The following RELA variants were observed in gnomAD, a reference collection of about 807,000 sequenced individuals.
RELA encodes the protein transcription factor p65.
Under a neutral mutation model 56.7 loss-of-function variants are expected in RELA, and 14 were observed. The ratio of observed to expected loss-of-function variants is 0.25; its 90% confidence interval spans 0.16 to 0.39. The LOEUF is 0.39. Among genes scored for constraint, RELA ranks in the 10% least tolerant of loss-of-function variants. The probability of loss-of-function intolerance (pLI) is 1.00; values close to 1 mark genes in which losing one functional copy is unlikely to be tolerated. For missense variants in RELA, 559 were observed against 736.4 expected, an observed-to-expected ratio of 0.76 and a Z score of 2.79; for synonymous variants, 315 against 289.7, an observed-to-expected ratio of 1.09 and a Z score of -0.89.
chr11:65,658,902 G>T lies in RELA; in HGVS notation c.560-80C>A. Reference sequence around the variant, plus strand: ...GGCCTGCAGGAGATGCAACTTCCCTGCCCAGCCCAGAGTCAAGGTTGCCCA... The same window carrying T: ...GGCCTGCAGGAGATGCAACTTCCCTTCCCAGCCCAGAGTCAAGGTTGCCCA... On this transcript the variant is annotated intron_variant, in intron 6 of 10. Coordinates refer to ENST00000406246, the MANE Select transcript of RELA (RefSeq NM_021975.4). The surrounding 1 kb of genome is among the most constrained non-coding windows in gnomAD (Gnocchi z 4.5). 1 of 1,163,226 alleles carries T rather than the reference G, an allele frequency of 8.6e-7. No homozygotes were observed. Among genetic ancestry groups the T allele is most frequent in the Non-Finnish European group, 1.3e-6 (1 of 773,652 alleles). The allele number at this position is 1,163,226 out of a possible 1,614,324, so 72.1% of individuals were successfully genotyped here. A position where few individuals can be genotyped will look rare whatever the true frequency, so the allele number is the denominator to read the frequency against.
upstream of RELA, chr11:65,662,987 C>G (rs1412768738): frequency 2.1e-6 from 1 of 469,116 alleles, no homozygotes; most frequent in South Asian, 1.0e-4. Context: ...CGCCGCCGCC[C>G]GGCGCAGGGG....
Position 65,659,947 on chromosome 11 carries a change from TG to T in RELA, c.428-151del, listed in dbSNP as rs1235864119. 12 of 1,196,376 alleles carry T rather than the reference TG, an allele frequency of 1.0e-5. No individual in the cohort carries two copies. The African/African-American group carries it at 1.7e-4, about 17-fold the overall frequency. 74.1% of individuals were successfully genotyped at this position (1,196,376 alleles called of 1,614,324 possible). On this transcript the variant is annotated intron_variant, in intron 5 of 10. Coordinates refer to ENST00000406246, the MANE Select transcript of RELA (RefSeq NM_021975.4). ...GCAGAACCCAGCACTGACTCCACTG[TG>T]GCCTGAATGTCATGTCCCCTCCTGG... is the stretch of plus-strand genomic sequence containing the variant.
chr11:65,661,528 G>A, intron 4 of RELA, 159 bp downstream of exon 4: 2 of 626,524 alleles, frequency 3.2e-6, no homozygotes, highest in Non-Finnish European at 2.7e-6. Context: ...CGTACAAATA[G>A]ATAATTTCAA....
intron 2 of RELA, 34 bp downstream of exon 2, chr11:65,662,145 G>T (rs531077343): frequency 6.3e-7 from 1 of 1,593,624 alleles, no homozygotes; most frequent in Non-Finnish European, 8.5e-7. Flanking sequence ...CTACCCCAGG[G>T]AGCACCTCCC....
intron 4 of RELA, 72 bp downstream of exon 4, chr11:65,661,615 C>G (rs1335552878): frequency 5.6e-6 from 8 of 1,418,998 alleles, no homozygotes; most frequent in Non-Finnish European, 7.7e-6. Context: ...AAAGGAGTAA[C>G]ACTGTAGCGG....
chr11:65,654,796 AGGACTG>A lies in RELA; in HGVS notation c.1232_1237del (p.Pro411_Val412del), dbSNP rs1856376704. 1.3e-6 allele frequency: 2 copies of A among 1,523,030 alleles called. No individual in the cohort carries two copies. The highest frequency in any genetic ancestry group is 1.8e-6 in the Non-Finnish European group (2 of 1,133,030). 94.3% of individuals were successfully genotyped at this position (1,523,030 alleles called of 1,614,324 possible). A position where few individuals can be genotyped will look rare whatever the true frequency, so the allele number is the denominator to read the frequency against. On this transcript the variant is annotated inframe_deletion, in exon 11 of 11. Transcript: ENST00000406246. ...CACAGCCTGAGGAGGGCCTGGGGCT[AGGACTG>A]GGACAGGGGCTGGGGCCTGGGCCAG...
In RELA at chr11:65,661,780, G is replaced by C. The variant is rs1282651820; in HGVS notation, c.242C>G (p.Pro81Arg). ...CTCGTGGGGGTGAGGCCGGTGAGGAGGGTCCTTGGTGACCAGGGAGATGCG... is the reference window on the plus strand; with the variant it reads ...CTCGTGGGGGTGAGGCCGGTGAGGACGGTCCTTGGTGACCAGGGAGATGCG... ...TVRISLVTKD[P>R]PHRPHPHELV... The change falls in exon 4 of 11, where the codon CCT (proline) becomes CGT (arginine). Residue 81 changes from proline (P) to arginine (R), a missense_variant. Physicochemically the swap from Pro to Arg is moderately radical, Grantham distance 103. This residue lies in a region of RELA where 149 missense variants were observed against 256.0 expected (regional missense o/e 0.58). Coordinates refer to ENST00000406246, the MANE Select transcript of RELA (RefSeq NM_021975.4). 1 of 1,613,940 alleles carries C rather than the reference G, an allele frequency of 6.2e-7. No homozygotes were observed. The highest frequency in any genetic ancestry group is 8.5e-7 in the Non-Finnish European group (1 of 1,179,914).
At chr11:65,659,955 A>G in intron 5 of RELA, 158 bp from the exon 6 acceptor site, 1 of 1,180,382 alleles carries the variant, frequency 8.5e-7, no homozygotes, top group South Asian at 1.4e-5. Context: ...TGTGGCCTGA[A>G]TGTCATGTCC....
Position 65,661,785 on chromosome 11 carries a change from C to T in RELA, c.237G>A (p.Lys79=), listed in dbSNP as rs750224184. ...GGGGGTGAGGCCGGTGAGGAGGGTC[C>T]TTGGTGACCAGGGAGATGCGCACTG... The part of the protein sequence containing the change: ...PGTVRISLVT[K]DPPHRPHPHE... Residue 79 remains lysine, a synonymous_variant, in exon 4 of 11, where the codon AAG becomes AAA. Coordinates refer to ENST00000406246, the MANE Select transcript of RELA (RefSeq NM_021975.4). 3.3e-5 allele frequency: 54 copies of T among 1,613,876 alleles called. No individual in the cohort carries two copies. Among genetic ancestry groups the T allele is most frequent in the Non-Finnish European group, 4.6e-5 (54 of 1,179,916 alleles).
In RELA at chr11:65,654,387, G is replaced by A. The variant is rs1164532549; in HGVS notation, c.1647C>T (p.Ile549=). The change falls in exon 11 of 11, where the codon ATC becomes ATT. Residue 549 remains isoleucine, a synonymous_variant. Transcript: ENST00000406246. ...GGCAGGCGTCACCCCCTTAGGAGCT[G>A]ATCTGACTCAGCAGGGCTGAGAAGT... ...DMDFSALLSQ[I]SS 6 of 1,613,246 alleles carry A rather than the reference G, an allele frequency of 3.7e-6. No individual in the cohort carries two copies. In the African/African-American group the frequency reaches 5.3e-5, roughly 14 times the overall value.
In RELA at chr11:65,658,935, C is replaced by T; in HGVS notation, c.560-113G>A. The T allele has an allele frequency of 2.5e-6, 2 of 807,028 alleles. No homozygotes were observed. The highest frequency in any genetic ancestry group is 4.3e-6 in the Non-Finnish European group (2 of 467,888). 50.0% of individuals were successfully genotyped at this position (807,028 alleles called of 1,614,324 possible). A position where few individuals can be genotyped will look rare whatever the true frequency, so the allele number is the denominator to read the frequency against. ...CAGAGTCAAGGTTGCCCAGAGCTTG[C>T]CACCTACACCTTTGTAGCCAAAGTC... On this transcript the variant is annotated intron_variant, in intron 6 of 10. Transcript: ENST00000406246. This position sits in a 1 kb window ranked among gnomAD's most constrained non-coding sequence, Gnocchi z 4.5.
In RELA at chr11:65,655,717, G is replaced by T; in HGVS notation, c.1004C>A (p.Ser335Tyr). Reference protein sequence around the residue: ...RPPPRRIAVPSRSSASVPKPA... With the variant: ...RPPPRRIAVPYRSSASVPKPA... ...CTTGGGGACAGAAGCTGAGCTGCGG[G>T]AAGGCACAGCAATGCGTCGAGGTGG... The change falls in exon 10 of 11, where the codon TCC becomes TAC. Residue 335 changes from serine to tyrosine, a missense_variant. Around this residue, in one of 4 missense-constraint regions of RELA, gnomAD observed 365 missense variants for 387.5 expected, o/e 0.94. Transcript: ENST00000406246. 1 of 1,614,144 alleles carries T rather than the reference G, an allele frequency of 6.2e-7. No individual in the cohort carries two copies. The highest frequency in any genetic ancestry group is 8.5e-7 in the Non-Finnish European group (1 of 1,180,016).
Position 65,655,842 on chromosome 11 carries a change from G to A in RELA, c.958+13C>T, listed in dbSNP as rs773781643. The A allele has an allele frequency of 6.2e-7, 1 of 1,613,836 alleles. No homozygotes were observed. The highest frequency in any genetic ancestry group is 8.5e-7 in the Non-Finnish European group (1 of 1,179,778). ...GCTGCCTTCCTCTCTGGCTTTCCCA[G>A]TCCCCATCTCACCGCTGAAAGGACT... On this transcript the variant is annotated intron_variant, in intron 9 of 10. Transcript: ENST00000406246.
chr11:65,654,981 A>C lies in RELA; in HGVS notation c.1053T>G (p.Phe351Leu). The change falls in exon 11 of 11, where the codon TTT (phenylalanine) becomes TTG (leucine). Residue 351 changes from phenylalanine to leucine, a missense_variant. Phe to Leu is a conservative substitution (Grantham distance 22). Coordinates refer to ENST00000406246, the MANE Select transcript of RELA (RefSeq NM_021975.4). ...VPKPAPQPYP[F>L]TSSLSTINYD... ...AGTTGATGGTGCTCAGGGATGACGT[A>C]AAGGGATAGGGCTGGGGTGCTGGAG... is the stretch of plus-strand genomic sequence containing the variant. 6.2e-7 allele frequency: 1 copy of C among 1,601,876 alleles called. No individual in the cohort carries two copies. The highest frequency in any genetic ancestry group is 1.1e-5 in the South Asian group (1 of 88,714).
At chr11:65,661,640 G>A (rs1349255127) in intron 4 of RELA, 47 bp downstream of exon 4, 10 of 1,512,812 alleles carry the variant, frequency 6.6e-6, no homozygotes, top group African/African-American at 2.8e-5. Flanking sequence ...TTCATAGCCC[G>A]CCTCCTGTCC....
rs1036905974 is a variant in RELA, at chr11:65,658,221, C to T, written c.877+66G>A. The T allele has an allele frequency of 4.9e-6, 6 of 1,231,134 alleles. No homozygotes were observed. Among genetic ancestry groups the T allele is most frequent in the Non-Finnish European group, 5.7e-6 (5 of 882,242 alleles). 76.3% of individuals were successfully genotyped at this position (1,231,134 alleles called of 1,614,324 possible). On this transcript the variant is annotated intron_variant, in intron 8 of 10. Coordinates refer to ENST00000406246, the MANE Select transcript of RELA (RefSeq NM_021975.4). This position sits in a 1 kb window ranked among gnomAD's most constrained non-coding sequence, Gnocchi z 4.5. ...GCCCTCAACCACAGCCCCAGACATG[C>T]AGTCTTGGCCTCTCTCTCACGGCAC... is the stretch of plus-strand genomic sequence containing the variant.
intron 4 of RELA, 166 bp from the exon 5 acceptor site, chr11:65,660,381 A>G: frequency 1.6e-6 from 1 of 641,248 alleles, no homozygotes; most frequent in Non-Finnish European, 2.7e-6. Flanking sequence ...CCCTTCACTC[A>G]GCTGACAAGC....
chr11:65,656,791 G>A (rs1330345706), intron 8 of RELA, among the ~76,000 whole-genome samples: 4 of 152,202 alleles, frequency 2.6e-5, no homozygotes, highest in Admixed American at 1.3e-4. Flanking sequence ...TTGGGAGGTC[G>A]AGGCGGGTGG....
chr11:65,662,778 G>A, intron 1 of RELA, 48 bp downstream of exon 1: 1 of 1,193,970 alleles, frequency 8.4e-7, no homozygotes, highest in Non-Finnish European at 1.0e-6. Flanking sequence ...CGCCACAGCC[G>A]CGGCGGCCCC....
Sources: gnomAD v4.1 joint callset for allele counts (sites outside exome capture counted in the v4.1 genomes callset) on GRCh38, gnomAD v4.1.1 for gene constraint, gnomAD v4.1.1 regional missense constraint, Gnocchi (gnomAD v3.1) non-coding constraint, MANE v1.5 for transcripts, NCBI Gene and HGNC (gene_info 2026-07-23, HGNC 2026-07-21) for gene names.